Variants in UTS2 observed in about 807,000 individuals in gnomAD.
The protein encoded by UTS2 is urotensin-2.
A neutral mutation model predicts 12.6 loss-of-function variants in UTS2; 10 were observed. The ratio of observed to expected loss-of-function variants is 0.80; its 90% CI spans 0.49 to 1.35. The LOEUF (loss-of-function observed/expected upper bound fraction) is 1.35. Ranked by LOEUF, UTS2 falls within the 40% of genes most tolerant of loss-of-function variation. The probability of loss-of-function intolerance (pLI) is 0.00; values close to 1 mark genes in which losing one functional copy is unlikely to be tolerated. For missense variants in UTS2, 142 were observed against 143.2 expected, an observed-to-expected ratio of 0.99 and a Z score of 0.04; for synonymous variants, 52 against 50.0, an observed-to-expected ratio of 1.04 and a Z score of -0.17.
chr1:7,856,270 A>G (rs1044841467), upstream of UTS2, among the ~76,000 whole-genome samples: 1 of 152,214 alleles, frequency 6.6e-6, no homozygotes, highest in Admixed American at 6.5e-5. Context: ...TTCTACTCTC[A>G]TGAACTTTCT....
chr1:7,886,322 A>C, the UTS2 span, among the ~76,000 whole-genome samples: 1 of 152,250 alleles, frequency 6.6e-6, no homozygotes, highest in Non-Finnish European at 1.5e-5. Flanking sequence ...GGAACAGAGA[A>C]AAATATTTGT....
chr1:7,912,497 A>C, the UTS2 span, among the ~76,000 whole-genome samples: 1 of 152,126 alleles, frequency 6.6e-6, no homozygotes, highest in Non-Finnish European at 1.5e-5. Flanking sequence ...TCTGTTGCCC[A>C]TGCTGGAGTG....
At chr1:7,850,671 G>A (rs1271348413) in intron 2 of UTS2, 141 bp downstream of exon 2, 12 of 782,924 alleles carry the variant, frequency 1.5e-5, no homozygotes, top group East Asian at 2.7e-5. Context: ...CAGGCCGGGA[G>A]GGGAGAGTGT....
upstream of UTS2, chr1:7,853,545 C>T (rs1345525695): frequency 7.0e-7 from 1 of 1,431,014 alleles, no homozygotes; most frequent in African/African-American, 1.4e-5. Flanking sequence ...TCCTTTAAAA[C>T]AGTGAAAAGT....
upstream of UTS2, chr1:7,853,106 ACCTGACATCAT>A: frequency 6.8e-7 from 1 of 1,481,296 alleles, no homozygotes; most frequent in South Asian, 1.4e-5. Flanking sequence ...TCATCCTATG[ACCTGACATCAT>A]CCTCTCCAAA....
Position 7,849,627 on chromosome 1 carries a change from T to C in UTS2, c.258+13A>G. The C allele has an allele frequency of 1.2e-6, 2 of 1,605,064 alleles. No individual in the cohort carries two copies. Among genetic ancestry groups the C allele is most frequent in the South Asian group, 1.1e-5 (1 of 89,638 alleles). On this transcript the variant is annotated intron_variant, in intron 3 of 3. Coordinates refer to ENST00000361696, the MANE Select transcript of UTS2 (RefSeq NM_006786.4). ...CACCTTTTTAAACCTAACTCATAAATAGAGTCACTTACCTTTCTCAAATTT... is the reference window on the plus strand; with the variant it reads ...CACCTTTTTAAACCTAACTCATAAACAGAGTCACTTACCTTTCTCAAATTT...
the UTS2 span, among the ~76,000 whole-genome samples, chr1:7,888,523 C>T: frequency 1.3e-5 from 2 of 152,210 alleles, no homozygotes; most frequent in African/African-American, 4.8e-5. Flanking sequence ...CATTCCTTCT[C>T]CCTTTTCAGT....
intron 3 of UTS2, among the ~76,000 whole-genome samples, chr1:7,848,805 C>T (rs2097410623): frequency 1.3e-5 from 2 of 152,162 alleles, no homozygotes; most frequent in African/African-American, 2.4e-5. Context: ...GTGTGAGCCA[C>T]CGCACCCGGC....
chr1:7,859,997 T>A, the UTS2 span, among the ~76,000 whole-genome samples: 1 of 145,584 alleles, frequency 6.9e-6, no homozygotes, highest in Non-Finnish European at 1.5e-5. Flanking sequence ...AGATCCTGTC[T>A]AAAAAAAAAT....
chr1:7,901,794 T>C, the UTS2 span, among the ~76,000 whole-genome samples: 1 of 152,108 alleles, frequency 6.6e-6, no homozygotes, highest in African/African-American at 2.4e-5. Flanking sequence ...CTCGGCCAGT[T>C]TGGAACATCC....
chr1:7,902,601 T>C, the UTS2 span, among the ~76,000 whole-genome samples: 20,443 of 152,168 alleles, frequency 0.13, 1,774 homozygotes, highest in Non-Finnish European at 0.18. Context: ...GTTAATCTAA[T>C]TTTTTATAGG....
At chr1:7,896,468 G>T in the UTS2 span, among the ~76,000 whole-genome samples, 1 of 152,138 alleles carries the variant, frequency 6.6e-6, no homozygotes, top group Non-Finnish European at 1.5e-5. Flanking sequence ...TAATATTTGT[G>T]TGTGTATGTG....
the UTS2 span, among the ~76,000 whole-genome samples, chr1:7,871,866 A>G: frequency 6.8e-6 from 1 of 146,236 alleles, no homozygotes; most frequent in African/African-American, 2.6e-5. Flanking sequence ...CCGTTCCCCC[A>G]TCTCTCCCTC....
chr1:7,857,145 T>A (rs200776850), upstream of UTS2, among the ~76,000 whole-genome samples: 4 of 13,154 alleles, frequency 3.0e-4, no homozygotes, highest in Admixed American at 7.4e-4. Flanking sequence ...GGAAGGAAGG[T>A]GAAGCATGTT....
upstream of UTS2, among the ~76,000 whole-genome samples, chr1:7,855,156 C>T (rs576573519): frequency 1.3e-5 from 2 of 151,920 alleles, no homozygotes; most frequent in South Asian, 2.1e-4. Flanking sequence ...AGCAAAACTC[C>T]TTCTCAAAAC....
chr1:7,872,737 G>T, the UTS2 span, among the ~76,000 whole-genome samples: 1 of 152,216 alleles, frequency 6.6e-6, no homozygotes, highest in African/African-American at 2.4e-5. Context: ...AGCAGTAAGG[G>T]CTGAGGGAGA....
the UTS2 span, among the ~76,000 whole-genome samples, chr1:7,862,604 G>C: frequency 1.3e-5 from 2 of 152,096 alleles, no homozygotes; most frequent in Non-Finnish European, 2.9e-5. Context: ...AGGGGGAGCT[G>C]GTGTTTGCAG....
At chr1:7,873,042 T>C in the UTS2 span, among the ~76,000 whole-genome samples, 1 of 152,238 alleles carries the variant, frequency 6.6e-6, no homozygotes, top group African/African-American at 2.4e-5. Flanking sequence ...CCCTGTGCTC[T>C]ACCAATGGAA....
At chr1:7,855,680 G>A (rs534294323), upstream of UTS2, among the ~76,000 whole-genome samples, 1 of 96,762 alleles carries the variant, frequency 1.0e-5, no homozygotes, top group South Asian at 4.5e-4. Context: ...ACCACATCTG[G>A]CCATTATTAT....
Sources: gnomAD v4.1 joint callset for allele counts (sites outside exome capture counted in the v4.1 genomes callset) on GRCh38, gnomAD v4.1.1 for gene constraint, MANE v1.5 for transcripts, NCBI Gene and HGNC (gene_info 2026-07-23, HGNC 2026-07-21) for gene names.